The following IZUMO1 variants were observed in gnomAD, a reference collection of about 807,000 sequenced individuals.
IZUMO1 encodes the protein izumo sperm-oocyte fusion 1, also known as izumo sperm-egg fusion protein 1.
A neutral mutation model predicts 40.7 loss-of-function variants in IZUMO1; 44 were observed. The ratio of observed to expected loss-of-function variants is 1.08; its 90% CI spans 0.85 to 1.39. IZUMO1 has a LOEUF of 1.39. Among genes scored for constraint, IZUMO1 ranks in the 40% most tolerant of loss-of-function variants. The pLI is 0.00. For synonymous variants in IZUMO1, 149 were observed against 170.9 expected (o/e 0.87, Z 1.00); for missense variants, 368 against 436.9 (o/e 0.84, Z 1.41).
rs934757538 is a variant in IZUMO1, at chr19:48,745,851, C to T, written c.9G>A (p.Pro3=). 1 of 1,614,158 alleles carries T rather than the reference C, an allele frequency of 6.2e-7. No homozygotes were observed. Among genetic ancestry groups the T allele is most frequent in the East Asian group, 2.2e-5 (1 of 44,884 alleles). ...GCGCCGCACACAGGAGGGTAAAATG[C>T]GGCCCCATTGCAGCCGGCGCGCACA... MG[P]HFTLLCAALA... is the part of the protein sequence containing the mutation. The change falls in exon 2 of 10, where the codon CCG becomes CCA. Residue 3 remains proline (P), a synonymous_variant. Coordinates refer to ENST00000332955, the MANE Select transcript of IZUMO1 (RefSeq NM_182575.3).
chr19:48,743,347 A>G, intron 6 of IZUMO1, 98 bp downstream of exon 6: 2 of 1,123,764 alleles, frequency 1.8e-6, no homozygotes, highest in Admixed American at 2.0e-5. Context: ...TTTCTTGTCT[A>G]CTGCCCCCAC....
Position 48,742,243 on chromosome 19 carries a change from G to C in IZUMO1, c.566C>G (p.Ala189Gly), listed in dbSNP as rs760422018. The C allele has an allele frequency of 1.5e-5, 25 of 1,613,980 alleles. No individual in the cohort carries two copies. In the Middle Eastern group the frequency reaches 9.9e-4, roughly 64 times the overall value. Reference sequence around the variant, plus strand: ...GCTGTAATCAGTGAGGCCTTCCGAAGCCTGATGCCAGTTTAACTCACAGTC... The same window carrying C: ...GCTGTAATCAGTGAGGCCTTCCGAACCCTGATGCCAGTTTAACTCACAGTC... ...ILDCELNWHQ[A>G]SEGLTDYSFY... is the part of the protein sequence containing the mutation. The change falls in exon 7 of 10, where the codon GCT becomes GGT. Residue 189 changes from alanine (A) to glycine (G), a missense_variant. Physicochemically the swap from Ala to Gly is moderately conservative, Grantham distance 60 (BLOSUM62 0). Coordinates refer to ENST00000332955, the MANE Select transcript of IZUMO1 (RefSeq NM_182575.3).
chr19:48,741,136 A>G lies in IZUMO1; in HGVS notation c.933-108T>C. ...TGTGACCTTATTCTAGCAATTACCTAAGCCTCGCCCTTCGAAGTCCTCCTA... is the reference window on the plus strand; with the variant it reads ...TGTGACCTTATTCTAGCAATTACCTGAGCCTCGCCCTTCGAAGTCCTCCTA... On this transcript the variant is annotated intron_variant, in intron 9 of 9. Transcript: ENST00000332955. The surrounding 1 kb of genome is among the most constrained non-coding windows in gnomAD (Gnocchi z 4.4). The G allele has an allele frequency of 6.5e-7, 1 of 1,531,594 alleles. No individual in the cohort carries two copies. Among genetic ancestry groups the G allele is most frequent in the Non-Finnish European group, 8.9e-7 (1 of 1,125,306 alleles). The allele number at this position is 1,531,594 out of a possible 1,614,324, so 94.9% of individuals were successfully genotyped here. A position where few individuals can be genotyped will look rare whatever the true frequency, so the allele number is the denominator to read the frequency against.
chr19:48,744,369 C>T, intron 4 of IZUMO1, 84 bp downstream of exon 4: 1 of 1,275,724 alleles, frequency 7.8e-7, no homozygotes. Flanking sequence ...AGGAACTGGG[C>T]TTGGAGAAGT....
At chr19:48,745,465 G>A in intron 2 of IZUMO1, 160 bp downstream of exon 2, 4 of 1,063,674 alleles carry the variant, frequency 3.8e-6, no homozygotes, top group Non-Finnish European at 5.5e-6. Context: ...GCCGAGGATA[G>A]GGAAAACGGT....
chr19:48,741,379 G>T lies in IZUMO1; in HGVS notation c.854C>A (p.Pro285His). ...ESSISLQPLQ[P>H]EKMLASRLLG... ...AAGGCGGCTTGCCAGCATTTTCTCG[G>T]GCTGCAGAGGCTGGAGGCTTATGGA... Residue 285 changes from proline to histidine, a missense_variant, in exon 9 of 10, where the codon CCC becomes CAC. Coordinates refer to ENST00000332955, the MANE Select transcript of IZUMO1 (RefSeq NM_182575.3). The surrounding 1 kb of genome is among the most constrained non-coding windows in gnomAD (Gnocchi z 4.4). The T allele has an allele frequency of 6.2e-7, 1 of 1,613,290 alleles. No individual in the cohort carries two copies.
Position 48,741,619 on chromosome 19 carries a change from C to T in IZUMO1, c.755-141G>A. The stretch of plus-strand genomic sequence containing the variant: ...CAAGCCTGAACACACCCAAGGGAAC[C>T]CCTGTCCTCGGGGCCAGAGGCCACG... On this transcript the variant is annotated intron_variant, in intron 8 of 9. Transcript: ENST00000332955. This position sits in a 1 kb window ranked among gnomAD's most constrained non-coding sequence, Gnocchi z 4.4. 1 of 1,253,924 alleles carries T rather than the reference C, an allele frequency of 8.0e-7. No homozygotes were observed. The highest frequency in any genetic ancestry group is 2.4e-5 in the East Asian group (1 of 41,986). 77.7% of individuals were successfully genotyped at this position (1,253,924 alleles called of 1,614,324 possible). A position where few individuals can be genotyped will look rare whatever the true frequency, so the allele number is the denominator to read the frequency against.
Position 48,745,886 on chromosome 19 carries a change from G to A in IZUMO1, c.-27C>T. On this transcript the variant is annotated 5_prime_UTR_variant, in exon 2 of 10. Transcript: ENST00000332955. ...GCAGCCGGCGCGCACAGTTCCCGAA[G>A]ACCGTTAGGAAGGGTGCTCTCACCC... The A allele has an allele frequency of 1.9e-6, 3 of 1,612,558 alleles. No individual in the cohort carries two copies. Among genetic ancestry groups the A allele is most frequent in the Non-Finnish European group, 2.5e-6 (3 of 1,178,786 alleles).
At chr19:48,744,714 G>T (rs1387936430) in intron 3 of IZUMO1, among the ~76,000 whole-genome samples, 175 bp from the exon 4 acceptor site, 2 of 144,098 alleles carry the variant, frequency 1.4e-5, no homozygotes, top group Non-Finnish European at 3.1e-5. Context: ...ATGGGGGAGG[G>T]TCTTACCCTG....
rs757811459 is a variant in IZUMO1, at chr19:48,741,698, A to T, written c.754+91T>A. ...CCGAAACCACACCCAACAGGAAGTC[A>T]CGCCCCCATCGCCAAGGCCACGCCC... On this transcript the variant is annotated intron_variant, in intron 8 of 9. Transcript: ENST00000332955. The surrounding 1 kb of genome is among the most constrained non-coding windows in gnomAD (Gnocchi z 4.4). The T allele has an allele frequency of 2.8e-6, 4 of 1,433,460 alleles. No individual in the cohort carries two copies. In the African/African-American group the frequency reaches 5.8e-5, roughly 21 times the overall value. 88.8% of individuals were successfully genotyped at this position (1,433,460 alleles called of 1,614,324 possible).
Position 48,746,419 on chromosome 19 carries a change from A to G in IZUMO1, c.-74+16T>C. The G allele has an allele frequency of 1.0e-6, 1 of 992,258 alleles. No individual in the cohort carries two copies. Among genetic ancestry groups the G allele is most frequent in the Non-Finnish European group, 1.2e-6 (1 of 833,538 alleles). 61.5% of individuals were successfully genotyped at this position (992,258 alleles called of 1,614,324 possible). A position where few individuals can be genotyped will look rare whatever the true frequency, so the allele number is the denominator to read the frequency against. On this transcript the variant is annotated intron_variant, in intron 1 of 9. Coordinates refer to ENST00000332955, the MANE Select transcript of IZUMO1 (RefSeq NM_182575.3). ...TATTATCAAACTCGGAACTCCTTCA[A>G]AACCAAAACACATACCAGATTCCTA...
chr19:48,743,380 G>C (rs753157800), intron 6 of IZUMO1, 65 bp downstream of exon 6: 1 of 1,506,554 alleles, frequency 6.6e-7, no homozygotes, highest in Non-Finnish European at 9.2e-7. Context: ...GCTCTCTCTA[G>C]ACTGCCTCTC....
intron 7 of IZUMO1, 82 bp downstream of exon 7, chr19:48,742,127 A>T: frequency 6.7e-7 from 1 of 1,490,426 alleles, no homozygotes; most frequent in Non-Finnish European, 9.3e-7. Flanking sequence ...GGTCATGAGA[A>T]TCGTGGGTGC....
At chr19:48,742,786 G>A (rs2033757169) in intron 6 of IZUMO1, among the ~76,000 whole-genome samples, 1 of 136,188 alleles carries the variant, frequency 7.3e-6, no homozygotes, top group East Asian at 2.4e-4. Flanking sequence ...GGAGTGCAGT[G>A]GCGCGATCTT....
chr19:48,744,057 G>A, intron 5 of IZUMO1, 118 bp downstream of exon 5: 2 of 850,126 alleles, frequency 2.4e-6, no homozygotes, highest in Non-Finnish European at 4.0e-6. Context: ...GAATACTGGA[G>A]ACCCAGGAAC....
At chr19:48,742,468 C>A (rs2122509941) in intron 6 of IZUMO1, among the ~76,000 whole-genome samples, 159 bp from the exon 7 acceptor site, 1 of 152,140 alleles carries the variant, frequency 6.6e-6, no homozygotes, top group South Asian at 2.1e-4. Flanking sequence ...TTGCCTCAGC[C>A]TCCTGAGTAT....
At chr19:48,742,488 C>T (rs565046186) in intron 6 of IZUMO1, among the ~76,000 whole-genome samples, 179 bp from the exon 7 acceptor site, 6 of 152,110 alleles carry the variant, frequency 3.9e-5, no homozygotes, top group Non-Finnish European at 8.8e-5. Flanking sequence ...TCTGGGACTA[C>T]AGGCGCTTGC....
At chr19:48,745,364 C>A in intron 2 of IZUMO1, 76 bp from the exon 3 acceptor site, 1 of 1,343,060 alleles carries the variant, frequency 7.4e-7, no homozygotes, top group South Asian at 1.2e-5. Flanking sequence ...ACTACAATAC[C>A]CATGAGGCCA....
Position 48,746,521 on chromosome 19 carries a change from C to G in IZUMO1, c.-160G>C, listed in dbSNP as rs941815378. On this transcript the variant is annotated 5_prime_UTR_variant, in exon 1 of 10. Coordinates refer to ENST00000332955, the MANE Select transcript of IZUMO1 (RefSeq NM_182575.3). ...CCTAGGGGGCCCTTGTTCACCCTTC[C>G]CCAAAACTAACGGGCTCCCAATTTG... The G allele has an allele frequency of 3.0e-6, 3 of 986,064 alleles. No individual in the cohort carries two copies. Among genetic ancestry groups the G allele is most frequent in the Admixed American group, 6.1e-5 (1 of 16,360 alleles). 61.1% of individuals were successfully genotyped at this position (986,064 alleles called of 1,614,324 possible).
Sources: allele counts gnomAD v4.1 joint callset (sites outside exome capture counted in the v4.1 genomes callset), GRCh38; gene constraint gnomAD v4.1.1; non-coding constraint Gnocchi (gnomAD v3.1); transcripts MANE v1.5; gene names NCBI Gene and HGNC (gene_info 2026-07-23, HGNC 2026-07-21).